Variants in ACSL5 observed in about 807,000 individuals in gnomAD.
ACSL5 encodes the protein acyl-CoA synthetase long chain family member 5, also known as long-chain-fatty-acid--CoA ligase 5.
In ACSL5, 50 loss-of-function variants were observed where a neutral mutation model predicts 84.9. The ratio of observed to expected loss-of-function variants is 0.59; its 90% CI spans 0.47 to 0.75. ACSL5 has a LOEUF of 0.75. Among genes scored for constraint, ACSL5 ranks in the 30% least tolerant of loss-of-function variants. ACSL5 has a pLI of 0.00. For missense variants in ACSL5, 775 were observed against 830.4 expected, an observed-to-expected ratio of 0.93 and a Z score of 0.82; for synonymous variants, 280 against 300.7, an observed-to-expected ratio of 0.93 and a Z score of 0.71.
intron 17 of ACSL5, among the ~76,000 whole-genome samples, chr10:112,424,226 T>C (rs1210826614): frequency 6.6e-6 from 1 of 152,242 alleles, no homozygotes; most frequent in African/African-American, 2.4e-5. Context: ...GCTATTAGTT[T>C]TCCTAAGAAG....
In ACSL5 at chr10:112,408,423, G is replaced by A. The variant is rs946709650; in HGVS notation, c.434G>A (p.Trp145Ter). Reference protein sequence around the residue: ...VGIFAQNRPEWIISELACYTY... With the variant: ...VGIFAQNRPE Reference sequence around the variant, plus strand: ...TTACTTGAACTTCTCTCTGTACAGTGGATCATCTCCGAATTGGCTTGTTAC... The same window carrying A: ...TTACTTGAACTTCTCTCTGTACAGTAGATCATCTCCGAATTGGCTTGTTAC... The change falls in exon 6 of 21, where the codon TGG (tryptophan) becomes TAG (stop). Residue 145 changes from tryptophan (W) to a stop codon, truncating the protein, a stop_gained and splice_region_variant. Transcript: ENST00000354655. LOFTEE classifies it high-confidence loss of function. 4 of 1,605,152 alleles carry A rather than the reference G, an allele frequency of 2.5e-6. No homozygotes were observed. Among genetic ancestry groups the A allele is most frequent in the African/African-American group, 2.7e-5 (2 of 74,662 alleles).
intron 5 of ACSL5, among the ~76,000 whole-genome samples, chr10:112,405,382 C>A (rs189387156): frequency 6.6e-6 from 1 of 152,150 alleles, no homozygotes; most frequent in Admixed American, 6.5e-5. Context: ...ATATAACATA[C>A]AAAATCTGTG....
At chr10:112,377,266 G>A (rs544707698) in intron 1 of ACSL5, among the ~76,000 whole-genome samples, 3 of 152,314 alleles carry the variant, frequency 2.0e-5, no homozygotes, top group South Asian at 2.1e-4. Context: ...AAGGCCGGGC[G>A]CAGTGACTCA....
chr10:112,391,319 G>A (rs553047764), intron 1 of ACSL5, among the ~76,000 whole-genome samples: 1 of 150,886 alleles, frequency 6.6e-6, no homozygotes, highest in East Asian at 2.0e-4. Flanking sequence ...GCAATCAGCC[G>A]AGATCATACC....
At chr10:112,389,897 T>C (rs771357621) in intron 1 of ACSL5, among the ~76,000 whole-genome samples, 2 of 152,140 alleles carry the variant, frequency 1.3e-5, no homozygotes, top group Middle Eastern at 6.8e-3. Context: ...GCGCTAATCT[T>C]GTAAGGTTAA....
chr10:112,386,959 A>G (rs1849466426), intron 1 of ACSL5, among the ~76,000 whole-genome samples: 1 of 152,078 alleles, frequency 6.6e-6, no homozygotes, highest in Non-Finnish European at 1.5e-5. Context: ...GTTACCTCTT[A>G]TTTCCTTAGA....
At chr10:112,404,060 T>C (rs762830645) in intron 3 of ACSL5, among the ~76,000 whole-genome samples, 20 of 152,208 alleles carry the variant, frequency 1.3e-4, no homozygotes, top group Non-Finnish European at 2.8e-4. Flanking sequence ...GTGTTAATAA[T>C]GGTATTTGGG....
intron 20 of ACSL5, 113 bp downstream of exon 20, chr10:112,426,972 G>A: frequency 9.6e-7 from 1 of 1,042,478 alleles, no homozygotes; most frequent in African/African-American, 1.6e-5. Context: ...TAGATTTTGT[G>A]CCATTAACTA....
chr10:112,412,362 C>T (rs1844197708), intron 11 of ACSL5: 3 of 195,816 alleles, frequency 1.5e-5, no homozygotes, highest in Non-Finnish European at 3.2e-5. Flanking sequence ...AAGGAAGTTC[C>T]CTACAGAGGA....
intron 14 of ACSL5, among the ~76,000 whole-genome samples, chr10:112,420,331 G>C (rs1844427909): frequency 6.6e-6 from 1 of 152,080 alleles, no homozygotes; most frequent in Non-Finnish European, 1.5e-5. Flanking sequence ...CCAAGGATTG[G>C]CAAATTGTAG....
intron 1 of ACSL5, among the ~76,000 whole-genome samples, chr10:112,382,630 G>A (rs1320790977): frequency 6.6e-6 from 1 of 152,168 alleles, no homozygotes; most frequent in Admixed American, 6.5e-5. Context: ...GTGCAATTCA[G>A]CAGCAAAGAT....
rs116064832 is a variant in ACSL5, at chr10:112,414,711, C to T, written c.1083+1404C>T. Among the ~76,000 whole-genome samples, 1,100 of 152,192 alleles carry T rather than the reference C, an allele frequency of 7.2e-3. 15 individuals are homozygous for T. Among genetic ancestry groups the T allele is most frequent in the African/African-American group, 0.025 (1,036 of 41,508 alleles). ...GCTCATGTGTCCTTTTGACAATACC[C>T]CTGTAGCCTCTGATAGCTTCCTTGG... is the stretch of plus-strand genomic sequence containing the variant. On this transcript the variant is annotated intron_variant, in intron 12 of 20. Transcript: ENST00000354655.
rs544782323 is a variant in ACSL5, at chr10:112,374,755, G to A, written c.-30+486G>A. On this transcript the variant is annotated intron_variant, in intron 1 of 20. Coordinates refer to ENST00000354655, the MANE Select transcript of ACSL5 (RefSeq NM_203379.2). ...TCATTGGTGTATCTCATCCTATAAA[G>A]CAGGTGGTATCCTTCCCATTTCACA... Among the ~76,000 whole-genome samples the A allele has an allele frequency of 8.5e-5, 13 of 152,296 alleles. No individual in the cohort carries two copies. In the East Asian group the frequency reaches 2.5e-3, roughly 29 times the overall value.
At chr10:112,425,506 C>G (rs1419706370) in intron 18 of ACSL5, 25 bp downstream of exon 18, 18 of 1,560,784 alleles carry the variant, frequency 1.2e-5, no homozygotes, top group Non-Finnish European at 1.6e-5. Flanking sequence ...TAACAATAGC[C>G]CATTTCAGTC....
Position 112,404,542 on chromosome 10 carries a change from A to C in ACSL5, c.297A>C (p.Pro99=), listed in dbSNP as rs771817624. The C allele has an allele frequency of 6.2e-7, 1 of 1,613,916 alleles. No individual in the cohort carries two copies. The highest frequency in any genetic ancestry group is 1.1e-5 in the South Asian group (1 of 91,070). Residue 99 remains proline (P), a synonymous_variant, in exon 4 of 21, where the codon CCA becomes CCC. Coordinates refer to ENST00000354655, the MANE Select transcript of ACSL5 (RefSeq NM_203379.2). The part of the protein sequence containing the change: ...DNGPCLGYRK[P]NQPYRWLSYK... ...GGCCCTGCTTGGGATATAGAAAACC[A>C]AACCAGCCCTACAGATGGCTATCTT...
chr10:112,422,063 C>T (rs1388965032), intron 16 of ACSL5, 28 bp downstream of exon 16: 1 of 1,607,148 alleles, frequency 6.2e-7, no homozygotes, highest in East Asian at 2.2e-5. Flanking sequence ...TGTGGTCAGA[C>T]AGTCATGGTG....
chr10:112,411,806 G>A (rs950404654), intron 10 of ACSL5, 96 bp from the exon 11 acceptor site: 2 of 1,155,386 alleles, frequency 1.7e-6, no homozygotes, highest in Admixed American at 3.4e-5. Flanking sequence ...AGCTGTCTGT[G>A]GTAGTCCTGG....
chr10:112,426,692 A>G (rs538622144), intron 19 of ACSL5, 96 bp from the exon 20 acceptor site: 1 of 1,062,686 alleles, frequency 9.4e-7, no homozygotes, highest in East Asian at 2.4e-5. Flanking sequence ...CTGCTTTCAT[A>G]CTGCATGGCT....
At chr10:112,377,456 C>T (rs1849263174) in intron 1 of ACSL5, among the ~76,000 whole-genome samples, 1 of 152,154 alleles carries the variant, frequency 6.6e-6, no homozygotes. Flanking sequence ...ATTGCTTGAA[C>T]CTAGGAGGCG....
Sources: gnomAD v4.1 joint callset for allele counts (sites outside exome capture counted in the v4.1 genomes callset) on GRCh38, gnomAD v4.1.1 for gene constraint, MANE v1.5 for transcripts, NCBI Gene and HGNC (gene_info 2026-07-23, HGNC 2026-07-21) for gene names.